Variants in NUMA1 observed in about 807,000 individuals in gnomAD.
NUMA1 encodes SP-H antigen.
A neutral mutation model predicts 237.1 loss-of-function variants in NUMA1; 62 were observed. The ratio of observed to expected loss-of-function variants is 0.26; its 90% CI spans 0.21 to 0.32. The LOEUF (loss-of-function observed/expected upper bound fraction) is 0.32, where lower values mean the gene tolerates loss of function less well. NUMA1 is among the 10% of genes least tolerant of loss of function. NUMA1 has a pLI of 1.00. For missense variants in NUMA1, 2,533 were observed against 2,666.5 expected (o/e 0.95, Z 1.10); for synonymous variants, 1,028 against 1,066.1 (o/e 0.96, Z 0.70).
At chr11:72,032,954 A>G (rs1940516301) in intron 3 of NUMA1, among the ~76,000 whole-genome samples, 1 of 152,162 alleles carries the variant, frequency 6.6e-6, no homozygotes. Context: ...TACTTTTAGC[A>G]TTTTGATGTA....
Position 72,007,327 on chromosome 11 carries a change from G to C in NUMA1, c.5325C>G (p.Phe1775Leu). The change falls in exon 21 of 27, where the codon TTC (phenylalanine) becomes TTG (leucine). Residue 1775 changes from phenylalanine to leucine, a missense_variant. Physicochemically the swap from Phe to Leu is conservative, Grantham distance 22 (BLOSUM62 0). Around this residue, in one of 3 missense-constraint regions of NUMA1, gnomAD observed 795 missense variants for 750.8 expected, o/e 1.06. Coordinates refer to ENST00000393695, the MANE Select transcript of NUMA1 (RefSeq NM_006185.4). ...PKVESLESLYFTPIPARSQAP... is the reference protein window; with the variant it reads ...PKVESLESLYLTPIPARSQAP... ...CCTGACTCCGAGCAGGGATGGGAGTGAAGTAGAGACTCTCCAGGGATTCTA... is the reference window on the plus strand; with the variant it reads ...CCTGACTCCGAGCAGGGATGGGAGTCAAGTAGAGACTCTCCAGGGATTCTA... The C allele has an allele frequency of 2.5e-6, 4 of 1,613,570 alleles. No homozygotes were observed. The highest frequency in any genetic ancestry group is 3.4e-6 in the Non-Finnish European group (4 of 1,179,828).
At chr11:72,003,808 G>T in intron 26 of NUMA1, 79 bp downstream of exon 26, 2 of 1,459,366 alleles carry the variant, frequency 1.4e-6, no homozygotes, top group Non-Finnish European at 9.5e-7. Context: ...CCCCATCTTG[G>T]ATGCTACTTG....
chr11:72,011,400 A>ACATT (rs1194166288), intron 16 of NUMA1, among the ~76,000 whole-genome samples: 1 of 152,208 alleles, frequency 6.6e-6, no homozygotes, highest in Non-Finnish European at 1.5e-5. Flanking sequence ...GGAAGACAAG[A>ACATT]GCAGGGGCAG....
intron 5 of NUMA1, among the ~76,000 whole-genome samples, chr11:72,023,444 C>T (rs1028911700): frequency 9.2e-5 from 14 of 152,284 alleles, no homozygotes; most frequent in Non-Finnish European, 1.8e-4. Context: ...CTCAGCACCA[C>T]AGAGGAAGAG....
At chr11:72,008,264 C>A in intron 20 of NUMA1, 1 of 371,186 alleles carries the variant, frequency 2.7e-6, no homozygotes. Context: ...TCTTCAGTTT[C>A]AAATTCTTCC....
rs868697879 is a variant in NUMA1, at chr11:72,021,218, T to G, written c.446A>C (p.Asn149Thr). 6.2e-6 allele frequency: 10 copies of G among 1,613,778 alleles called. 1 individual carries two copies. In the Middle Eastern group the frequency reaches 9.9e-4, roughly 159 times the overall value. ...TACCTACTTACCTTTCTGTAGGAAG[T>G]TCTCTAGGTCCTCATTAAGGTTTAG... is the stretch of plus-strand genomic sequence containing the variant. The part of the protein sequence containing the change: ...DGLNLNEDLE[N>T]FLQKAPVPST... The change falls in exon 8 of 27, where the codon AAC becomes ACC. Residue 149 changes from asparagine to threonine, a missense_variant. Physicochemically the swap from Asn to Thr is moderately conservative, Grantham distance 65. Coordinates refer to ENST00000393695, the MANE Select transcript of NUMA1 (RefSeq NM_006185.4).
At chr11:72,049,808 G>A (rs1942241253) in intron 2 of NUMA1, among the ~76,000 whole-genome samples, 1 of 150,824 alleles carries the variant, frequency 6.6e-6, no homozygotes, top group Admixed American at 6.7e-5. Flanking sequence ...GGGCAACAGA[G>A]TGAGACCCTG....
rs569177618 is a variant in NUMA1 at position 72,021,304 on chromosome 11, G to T, written c.373-13C>A. 6.2e-7 allele frequency: 1 copy of T among 1,612,650 alleles called. No individual in the cohort carries two copies. ...CAGCCAACTCAGCCTGGGCCACAGG[G>T]AGAAAAAGAGCATCACTTAGGTGTT... On this transcript the variant is annotated splice_polypyrimidine_tract_variant and intron_variant, in intron 7 of 26. Coordinates refer to ENST00000393695, the MANE Select transcript of NUMA1 (RefSeq NM_006185.4).
Position 72,009,911 on chromosome 11 carries a change from CA to C in NUMA1, c.4720-525del, listed in dbSNP as rs142285624. Among the ~76,000 whole-genome samples, 571 of 152,318 alleles carry C rather than the reference CA, an allele frequency of 3.7e-3. 4 individuals carry two copies. Among genetic ancestry groups the C allele is most frequent in the African/African-American group, 0.013 (552 of 41,564 alleles). On this transcript the variant is annotated intron_variant, in intron 17 of 26. Transcript: ENST00000393695. ...GAGTAAGATTTGGTCCACCTAACTC[CA>C]AAAGCCCATGGGGGCTTATTTATGA...
intron 4 of NUMA1, 157 bp from the exon 5 acceptor site, chr11:72,024,510 A>G (rs1939309115): frequency 1.5e-6 from 1 of 662,372 alleles, no homozygotes; most frequent in African/African-American, 1.8e-5. Flanking sequence ...AGATACCAGG[A>G]CACCATTTAT....
chr11:72,060,078 C>T (rs769977703), intron 2 of NUMA1, among the ~76,000 whole-genome samples: 12 of 152,108 alleles, frequency 7.9e-5, no homozygotes, highest in South Asian at 6.2e-4. Flanking sequence ...ACCAGTAAGT[C>T]CAGACATCAA....
chr11:72,055,327 G>C (rs1278252312), intron 2 of NUMA1, among the ~76,000 whole-genome samples: 5 of 152,262 alleles, frequency 3.3e-5, no homozygotes, highest in African/African-American at 1.2e-4. Context: ...TTACCAAAGA[G>C]GAATGAAGTC....
At chr11:72,022,977 C>T in intron 6 of NUMA1, 88 bp downstream of exon 6, 3 of 902,308 alleles carry the variant, frequency 3.3e-6, no homozygotes. Context: ...ATCATCTCCC[C>T]TTGGGTTAAG....
At chr11:72,048,350 G>A (rs567748004) in intron 2 of NUMA1, among the ~76,000 whole-genome samples, 9 of 147,494 alleles carry the variant, frequency 6.1e-5, no homozygotes, top group South Asian at 2.2e-4. Context: ...CAAAGAAGCC[G>A]TGTGCTTTTC....
At chr11:72,008,260 G>T in intron 20 of NUMA1, 1 of 371,222 alleles carries the variant, frequency 2.7e-6, no homozygotes. Context: ...GTACTCTTCA[G>T]TTTCAAATTC....
intron 2 of NUMA1, among the ~76,000 whole-genome samples, chr11:72,058,890 C>T (rs679926): frequency 0.89 from 134,851 of 152,228 alleles, 60,019 homozygotes; most frequent in Non-Finnish European, 0.95. Context: ...AGCTAGCTAC[C>T]TTGTCACACT....
At chr11:72,068,975 C>T (rs1028355021) in intron 2 of NUMA1, among the ~76,000 whole-genome samples, 1 of 152,118 alleles carries the variant, frequency 6.6e-6, no homozygotes. Context: ...ATTGAATCCA[C>T]CAAGCTAAGA....
chr11:72,019,261 G>T (rs559693850), intron 9 of NUMA1, among the ~76,000 whole-genome samples: 2 of 152,138 alleles, frequency 1.3e-5, no homozygotes, highest in African/African-American at 4.8e-5. Context: ...TGTAGTCTCC[G>T]AGGAAGAAGG....
intron 2 of NUMA1, among the ~76,000 whole-genome samples, chr11:72,063,518 C>T (rs1224617704): frequency 6.6e-6 from 1 of 151,518 alleles, no homozygotes; most frequent in Non-Finnish European, 1.5e-5. Flanking sequence ...TCGCCTCAGC[C>T]TCCCAAAGTG....
Sources: gnomAD v4.1 joint callset for allele counts (sites outside exome capture counted in the v4.1 genomes callset) on GRCh38, gnomAD v4.1.1 for gene constraint, gnomAD v4.1.1 regional missense constraint, MANE v1.5 for transcripts, NCBI Gene and HGNC (gene_info 2026-07-23, HGNC 2026-07-21) for gene names.